POMT2: variants seen among roughly 807,000 people sequenced by gnomAD.
POMT2 encodes protein O-mannosyltransferase 2.
In POMT2, 75 loss-of-function variants were observed where a neutral mutation model predicts 100.0. The ratio of observed to expected loss-of-function variants is 0.75; its 90% CI spans 0.62 to 0.91. POMT2 has a LOEUF of 0.91. Ranked by LOEUF, POMT2 falls within the 40% of genes least tolerant of loss-of-function variation. The pLI is 0.00. For missense variants in POMT2, 940 were observed against 955.1 expected (o/e 0.98, Z 0.21); for synonymous variants, 378 against 374.1 (o/e 1.01, Z -0.12).
chr14:77,277,453 C>T lies in POMT2; in HGVS notation c.2176G>A (p.Gly726Arg), dbSNP rs1471500386. The T allele has an allele frequency of 9.3e-6, 15 of 1,613,810 alleles. No homozygotes were observed. The highest frequency in any genetic ancestry group is 1.6e-4 in the Middle Eastern group (1 of 6,084). The change falls in exon 21 of 21, where the codon GGG becomes AGG. Residue 726 changes from glycine (G) to arginine (R), a missense_variant. By Grantham distance (125) the Gly-to-Arg change is moderately radical (BLOSUM62 -2). Coordinates refer to ENST00000261534, the MANE Select transcript of POMT2 (RefSeq NM_013382.7). ...SFYLFHPLAY[G>R]MVGPLAQDPQ... Reference sequence around the variant, plus strand: ...TCCTGGGCCAGGGGACCAACCATCCCGTAAGCCAGAGGGTGGAAGAGGTAG... The same window carrying T: ...TCCTGGGCCAGGGGACCAACCATCCTGTAAGCCAGAGGGTGGAAGAGGTAG...
At chr14:77,312,297 C>A (rs1341543593) in intron 1 of POMT2, 1 of 380,470 alleles carries the variant, frequency 2.6e-6, no homozygotes, top group East Asian at 6.2e-5. Context: ...CATATACTTA[C>A]TCTGTATCTT....
chr14:77,304,641 C>T (rs372439649), intron 4 of POMT2, 51 bp downstream of exon 4: 56 of 1,549,558 alleles, frequency 3.6e-5, no homozygotes, highest in East Asian at 1.7e-4. Context: ...GCTACATTCA[C>T]GGAGTGGCAG....
intron 9 of POMT2, chr14:77,291,598 TC>T: frequency 1.5e-6 from 1 of 646,058 alleles, no homozygotes; most frequent in Non-Finnish European, 2.6e-6. Context: ...AGAAGCTTTG[TC>T]CCACAAGAGC....
rs117741019 is a variant in POMT2, at chr14:77,301,393, G to A, written c.657-144C>T. 20,336 of 1,135,878 alleles carry A rather than the reference G, an allele frequency of 0.018. 249 individuals are homozygous for A. The highest frequency in any genetic ancestry group is 0.023 in the Non-Finnish European group (18,222 of 783,314). The allele number at this position is 1,135,878 out of a possible 1,614,324, so 70.4% of individuals were successfully genotyped here. A position where few individuals can be genotyped will look rare whatever the true frequency, so the allele number is the denominator to read the frequency against. Reference sequence around the variant, plus strand: ...GCTCTTAGCCTCAAGGGACCATGGCGTGGCTCCATGGAGGAGGCGGCCTGT... The same window carrying A: ...GCTCTTAGCCTCAAGGGACCATGGCATGGCTCCATGGAGGAGGCGGCCTGT... On this transcript the variant is annotated intron_variant, in intron 5 of 20. Transcript: ENST00000261534.
In POMT2 at chr14:77,279,520, T is replaced by G. The variant is rs897254548; in HGVS notation, c.1891+303A>C. On this transcript the variant is annotated intron_variant, in intron 18 of 20. Transcript: ENST00000261534. ...GAGTCAGATTGCACGGGTTTGAGCC[T>G]CAGCTCTATCACTTACTAGCTGTAT... 11 of 540,642 alleles carry G rather than the reference T, an allele frequency of 2.0e-5. No homozygotes were observed. The African/African-American group carries it at 2.1e-4, about 10-fold the overall frequency. The allele number at this position is 540,642 out of a possible 1,614,324, so 33.5% of individuals were successfully genotyped here.
chr14:77,279,365 A>C, intron 18 of POMT2: 4 of 370,178 alleles, frequency 1.1e-5, no homozygotes, highest in South Asian at 6.3e-5. Flanking sequence ...CAAGAACAGC[A>C]CTGGGATGGG....
At chr14:77,298,249 C>T (rs1037974438) in intron 8 of POMT2, among the ~76,000 whole-genome samples, 4 of 152,222 alleles carry the variant, frequency 2.6e-5, no homozygotes, top group East Asian at 3.8e-4. Flanking sequence ...TCCCTCTTTA[C>T]GTACTTAACG....
chr14:77,306,469 T>C lies in POMT2; in HGVS notation c.334-28A>G, dbSNP rs770959544. 5 of 1,609,082 alleles carry C rather than the reference T, an allele frequency of 3.1e-6. No homozygotes were observed. In the East Asian group the frequency reaches 8.9e-5, roughly 29 times the overall value. On this transcript the variant is annotated intron_variant, in intron 2 of 20. Transcript: ENST00000261534. ...GAGGAGAGAAGAACAAACAAAAAGA[T>C]GAGAAGCCTTTGGGAGAAGATTCCT...
At chr14:77,315,213 C>T (rs796167104) in intron 1 of POMT2, among the ~76,000 whole-genome samples, 4 of 152,250 alleles carry the variant, frequency 2.6e-5, no homozygotes, top group African/African-American at 9.6e-5. Flanking sequence ...ACAGCCATAG[C>T]AGTGCGCACA....
intron 9 of POMT2, among the ~76,000 whole-genome samples, chr14:77,295,361 G>A (rs1438034089): frequency 9.9e-5 from 15 of 152,158 alleles, no homozygotes; most frequent in Non-Finnish European, 2.1e-4. Flanking sequence ...GGCTGGGCGC[G>A]GTGGCTCATG....
intron 1 of POMT2, 182 bp downstream of exon 1, chr14:77,320,252 C>A: frequency 9.7e-7 from 1 of 1,028,066 alleles, no homozygotes; most frequent in Non-Finnish European, 1.4e-6. Context: ...ACCACCAGAG[C>A]AAAACGATCC....
intron 11 of POMT2, 71 bp from the exon 12 acceptor site, chr14:77,286,893 G>T: frequency 6.2e-7 from 1 of 1,609,954 alleles, no homozygotes; most frequent in South Asian, 1.1e-5. Flanking sequence ...CTTTTACCAA[G>T]GATGTTCAGA....
rs527728447 is a variant in POMT2, at chr14:77,320,613, G to A, written c.69C>T (p.Pro23=). 22 of 1,589,492 alleles carry A rather than the reference G, an allele frequency of 1.4e-5. 1 individual carries two copies. The highest frequency in any genetic ancestry group is 1.1e-4 in the African/African-American group (8 of 74,666). ...ELRPRRGRCG[P]QAARAAGRDV... ...CCCGGCCTGCGGCCCTAGCAGCCTG[G>A]GGGCCACAGCGGCCCCTCCGGGGAC... The change falls in exon 1 of 21, where the codon CCC becomes CCT. Residue 23 remains proline, a synonymous_variant. Coordinates refer to ENST00000261534, the MANE Select transcript of POMT2 (RefSeq NM_013382.7).
intron 10 of POMT2, among the ~76,000 whole-genome samples, chr14:77,289,575 C>T (rs1293140394): frequency 1.3e-5 from 2 of 152,106 alleles, no homozygotes; most frequent in Non-Finnish European, 2.9e-5. Context: ...GGAGCTTAAG[C>T]TGGGAAGCTA....
At chr14:77,311,787 C>T (rs1330744176) in intron 2 of POMT2, among the ~76,000 whole-genome samples, 162 bp downstream of exon 2, 1 of 152,182 alleles carries the variant, frequency 6.6e-6, no homozygotes, top group African/African-American at 2.4e-5. Flanking sequence ...TTAAAAAACA[C>T]CAGAGATTTT....
At chr14:77,283,936 G>T (rs1890324358) in intron 14 of POMT2, 63 bp from the exon 15 acceptor site, 1 of 1,365,266 alleles carries the variant, frequency 7.3e-7, no homozygotes, top group Non-Finnish European at 1.0e-6. Context: ...TCTGTCCATG[G>T]TGTCCACATT....
chr14:77,288,849 G>A lies in POMT2; in HGVS notation c.1184-18C>T, dbSNP rs1890538029. The stretch of plus-strand genomic sequence containing the variant: ...TAGGGGATCTGCCAAAAAGAAACAA[G>A]CATTGATATCCAAAATCACTCACCA... On this transcript the variant is annotated intron_variant, in intron 10 of 20. Transcript: ENST00000261534. 1.2e-6 allele frequency: 2 copies of A among 1,610,782 alleles called. No homozygotes were observed. The highest frequency in any genetic ancestry group is 2.2e-5 in the South Asian group (2 of 90,970).
intron 2 of POMT2, among the ~76,000 whole-genome samples, chr14:77,308,356 G>GTTTTTTTT (rs529559494): frequency 4.7e-5 from 6 of 128,472 alleles, no homozygotes; most frequent in Admixed American, 1.6e-4. Flanking sequence ...AAGTTTTTTT[G>GTTTTTTTT]TTTTTTTTTT....
chr14:77,289,742 T>C (rs1324355171), intron 10 of POMT2, among the ~76,000 whole-genome samples: 1 of 152,184 alleles, frequency 6.6e-6, no homozygotes, highest in Non-Finnish European at 1.5e-5. Context: ...AGGTGAATAA[T>C]GATGAAATGA....
Sources: allele counts gnomAD v4.1 joint callset (sites outside exome capture counted in the v4.1 genomes callset), GRCh38; gene constraint gnomAD v4.1.1; transcripts MANE v1.5; gene names NCBI Gene and HGNC (gene_info 2026-07-23, HGNC 2026-07-21).